SLC25A16: variants seen among roughly 807,000 people sequenced by gnomAD.
SLC25A16 encodes mitochondrial coenzyme A transporter SLC25A16.
Under a neutral mutation model 41.5 loss-of-function variants are expected in SLC25A16, and 39 were observed. That is an observed-to-expected ratio of 0.94 (90% confidence interval 0.73 to 1.23). The LOEUF is 1.23. SLC25A16 is among the 50% of genes most tolerant of loss of function. The pLI, the probability that SLC25A16 is intolerant of heterozygous loss-of-function variation, is 0.00. For synonymous variants in SLC25A16, 146 were observed against 147.8 expected (o/e 0.99, Z 0.09); for missense variants, 421 against 426.9 (o/e 0.99, Z 0.12).
intron 1 of SLC25A16, among the ~76,000 whole-genome samples, chr10:68,523,477 A>G (rs80341890): frequency 0.046 from 6,872 of 149,132 alleles, 168 homozygotes; most frequent in Middle Eastern, 0.065. Flanking sequence ...AATAAATGTC[A>G]TTTTTTTTTA....
At chr10:68,500,480 G>A (rs951455530) in intron 4 of SLC25A16, among the ~76,000 whole-genome samples, 1 of 151,788 alleles carries the variant, frequency 6.6e-6, no homozygotes, top group Non-Finnish European at 1.5e-5. Context: ...GCTAATTTTT[G>A]TATTTTTGCT....
At chr10:68,491,225 C>CT (rs71470521) in intron 6 of SLC25A16, among the ~76,000 whole-genome samples, 25 of 146,066 alleles carry the variant, frequency 1.7e-4, no homozygotes, top group South Asian at 2.2e-4. Context: ...TTTGTTGTTG[C>CT]TTTTTTTTTT....
chr10:68,489,435 G>A (rs143063717), intron 6 of SLC25A16, among the ~76,000 whole-genome samples: 17 of 152,194 alleles, frequency 1.1e-4, no homozygotes, highest in East Asian at 1.9e-4. Context: ...CACAAAACAC[G>A]TAGAATCTGA....
intron 4 of SLC25A16, among the ~76,000 whole-genome samples, chr10:68,501,013 G>C (rs2052834423): frequency 6.6e-6 from 1 of 151,258 alleles, no homozygotes; most frequent in South Asian, 2.1e-4. Context: ...GCACTTTGGA[G>C]GGCCGAGGTG....
intron 1 of SLC25A16, 189 bp from the exon 2 acceptor site, chr10:68,517,032 C>A: frequency 8.5e-7 from 1 of 1,182,970 alleles, no homozygotes; most frequent in Non-Finnish European, 1.1e-6. Context: ...CATGATTACA[C>A]TGCTAAAACT....
At chr10:68,492,677 C>T (rs548674560) in intron 6 of SLC25A16, among the ~76,000 whole-genome samples, 34 of 151,136 alleles carry the variant, frequency 2.2e-4, no homozygotes, top group Middle Eastern at 3.4e-3. Flanking sequence ...AGCGAAACTC[C>T]GTCTCAAAAA....
chr10:68,497,924 G>A (rs1291186513), intron 4 of SLC25A16, among the ~76,000 whole-genome samples: 1 of 151,826 alleles, frequency 6.6e-6, no homozygotes, highest in African/African-American at 2.4e-5. Context: ...TTATTTTTGA[G>A]GAAATGGGGT....
At chr10:68,499,536 A>G in intron 4 of SLC25A16, 1 of 213,012 alleles carries the variant, frequency 4.7e-6, no homozygotes, top group Non-Finnish European at 1.0e-5. Context: ...GCCAAAATGA[A>G]GTTCAATCCC....
chr10:68,523,326 C>A (rs2133604707), intron 1 of SLC25A16, among the ~76,000 whole-genome samples: 1 of 152,040 alleles, frequency 6.6e-6, no homozygotes, highest in South Asian at 2.1e-4. Flanking sequence ...CTCATTAGCT[C>A]AAGCTATCCC....
intron 1 of SLC25A16, among the ~76,000 whole-genome samples, chr10:68,526,559 T>C (rs917803666): frequency 5.3e-5 from 8 of 152,188 alleles, no homozygotes; most frequent in African/African-American, 1.7e-4. Flanking sequence ...TTTGTCTCTG[T>C]GTCTTTTTCT....
At chr10:68,486,519 G>A (rs1312521354) in intron 8 of SLC25A16, among the ~76,000 whole-genome samples, 3 of 151,496 alleles carry the variant, frequency 2.0e-5, no homozygotes, top group Non-Finnish European at 4.4e-5. Flanking sequence ...GATTACAGGC[G>A]CCCGACACCA....
chr10:68,484,591 A>G (rs559193873), intron 8 of SLC25A16, among the ~76,000 whole-genome samples: 8 of 151,630 alleles, frequency 5.3e-5, no homozygotes, highest in African/African-American at 1.7e-4. Context: ...ATGCCTCACT[A>G]AATTTTTTGT....
chr10:68,508,419 A>AC (rs1160414307), intron 2 of SLC25A16, among the ~76,000 whole-genome samples: 3 of 151,088 alleles, frequency 2.0e-5, no homozygotes. Flanking sequence ...AAAAAAAAAA[A>AC]AAAAGAATTC....
chr10:68,503,586 T>C, intron 4 of SLC25A16, 46 bp downstream of exon 4: 1 of 1,224,806 alleles, frequency 8.2e-7, no homozygotes, highest in Non-Finnish European at 1.2e-6. Flanking sequence ...AATATTTTAA[T>C]AGAAAATTAA....
intron 6 of SLC25A16, 81 bp from the exon 7 acceptor site, chr10:68,488,710 A>C: frequency 9.0e-7 from 1 of 1,116,984 alleles, no homozygotes; most frequent in Non-Finnish European, 1.3e-6. Flanking sequence ...AATAATAAAC[A>C]CATTTCCTAA....
At chr10:68,508,941 CAT>C (rs944497736) in intron 2 of SLC25A16, among the ~76,000 whole-genome samples, 15 of 152,236 alleles carry the variant, frequency 9.9e-5, no homozygotes, top group Non-Finnish European at 1.6e-4. Context: ...TGCAGGTCCA[CAT>C]ATGTTTATTA....
chr10:68,485,242 G>A (rs1487291532), intron 8 of SLC25A16, among the ~76,000 whole-genome samples: 6 of 151,742 alleles, frequency 4.0e-5, no homozygotes, highest in East Asian at 1.9e-4. Context: ...GGCGCACACC[G>A]CCACACCCAG....
Position 68,495,297 on chromosome 10 carries a change from G to C in SLC25A16, c.422-1727C>G, listed in dbSNP as rs534343924. 3.3e-5 allele frequency among the ~76,000 whole-genome samples: 5 copies of C among 151,960 alleles called. No homozygotes were observed. In the South Asian group the frequency reaches 1.0e-3, roughly 32 times the overall value. On this transcript the variant is annotated intron_variant, in intron 4 of 8. Coordinates refer to ENST00000609923, the MANE Select transcript of SLC25A16 (RefSeq NM_152707.4). ...GTAATGGTGGGCACCTGTAATCTCAGCTACTCTACTCGGGAGGCTGAGGCA... is the reference window on the plus strand; with the variant it reads ...GTAATGGTGGGCACCTGTAATCTCACCTACTCTACTCGGGAGGCTGAGGCA...
rs902410956 is a variant in SLC25A16 at position 68,481,166 on chromosome 10, G to A, written c.*2266C>T. On this transcript the variant is annotated 3_prime_UTR_variant, in exon 9 of 9. Coordinates refer to ENST00000609923, the MANE Select transcript of SLC25A16 (RefSeq NM_152707.4). ...TGCCCGGCTGATTTTTGTATTTTTA[G>A]TAGAGACAGGGTTTCTCCACGTTGG... The A allele has an allele frequency of 4.0e-5, 6 of 151,726 alleles. No individual in the cohort carries two copies. Among genetic ancestry groups the A allele is most frequent in the Non-Finnish European group, 7.4e-5 (5 of 67,930 alleles). 9.4% of individuals were successfully genotyped at this position (151,726 alleles called of 1,614,324 possible).
Sources: allele counts gnomAD v4.1 joint callset (sites outside exome capture counted in the v4.1 genomes callset), GRCh38; gene constraint gnomAD v4.1.1; transcripts MANE v1.5; gene names NCBI Gene and HGNC (gene_info 2026-07-23, HGNC 2026-07-21).